TBL1XR1: variants seen among roughly 807,000 people sequenced by gnomAD.
TBL1XR1 encodes F-box-like/WD repeat-containing protein TBL1XR1.
In TBL1XR1, 5 loss-of-function variants were observed where a neutral mutation model predicts 66.9. That is an observed-to-expected ratio of 0.07 (90% CI 0.04 to 0.16). The LOEUF (loss-of-function observed/expected upper bound fraction) is 0.16, where lower values mean the gene tolerates loss of function less well. Ranked by LOEUF, TBL1XR1 falls within the 10% of genes least tolerant of loss-of-function variation. The pLI, the probability that TBL1XR1 is intolerant of heterozygous loss-of-function variation, is 1.00. For missense variants in TBL1XR1, 238 were observed against 623.2 expected (o/e 0.38, Z 6.58); for synonymous variants, 210 against 206.0 (o/e 1.02, Z -0.17).
chr3:177,173,636 T>C (rs1733822593), intron 1 of TBL1XR1, among the ~76,000 whole-genome samples: 1 of 152,018 alleles, frequency 6.6e-6, no homozygotes, highest in South Asian at 2.1e-4. Flanking sequence ...GAAAACTAAA[T>C]GCAACATGAG....
chr3:177,185,949 T>C (rs1380299773), intron 1 of TBL1XR1, among the ~76,000 whole-genome samples: 1 of 151,832 alleles, frequency 6.6e-6, no homozygotes, highest in Non-Finnish European at 1.5e-5. Context: ...AGTTGGAGGG[T>C]AAAGTGAGCC....
At chr3:177,112,288 A>C (rs1302979342) in intron 1 of TBL1XR1, among the ~76,000 whole-genome samples, 1 of 150,544 alleles carries the variant, frequency 6.6e-6, no homozygotes, top group South Asian at 2.1e-4. Context: ...TTGTATTTTT[A>C]GTAGAGGTGG....
intron 1 of TBL1XR1, among the ~76,000 whole-genome samples, chr3:177,130,901 T>C (rs563443688): frequency 3.3e-5 from 5 of 152,308 alleles, no homozygotes; most frequent in African/African-American, 1.2e-4. Context: ...GGCTTGCACC[T>C]ATAGTCCCAG....
intron 1 of TBL1XR1, among the ~76,000 whole-genome samples, chr3:177,133,200 T>C (rs1474092065): frequency 6.6e-6 from 1 of 152,140 alleles, no homozygotes; most frequent in African/African-American, 2.4e-5. Flanking sequence ...GGCACAAGAA[T>C]AGCTTGAACC....
At chr3:177,101,091 G>A (rs202241672) in intron 1 of TBL1XR1, among the ~76,000 whole-genome samples, 10 of 151,914 alleles carry the variant, frequency 6.6e-5, no homozygotes, top group East Asian at 5.9e-4. Flanking sequence ...TCCCAACCTC[G>A]GGTGATCTGC....
Position 177,038,089 on chromosome 3 carries a change from G to A in TBL1XR1, c.1122+9C>T. On this transcript the variant is annotated intron_variant, in intron 12 of 15. Transcript: ENST00000457928. ...CCGCCAACCCATTTCTCCCTACTAAGCAAATTACCTTTAAAGTCATGTCGT... is the reference window on the plus strand; with the variant it reads ...CCGCCAACCCATTTCTCCCTACTAAACAAATTACCTTTAAAGTCATGTCGT... 2 of 1,611,586 alleles carry A rather than the reference G, an allele frequency of 1.2e-6. No homozygotes were observed. The highest frequency in any genetic ancestry group is 1.7e-6 in the Non-Finnish European group (2 of 1,179,546).
At chr3:177,028,395 C>T (rs182500990) in intron 14 of TBL1XR1, among the ~76,000 whole-genome samples, 1 of 152,316 alleles carries the variant, frequency 6.6e-6, no homozygotes, top group African/African-American at 2.4e-5. Context: ...CATTAGCACT[C>T]TACAGTTCTA....
At chr3:177,071,029 C>CTTTTTTTTTTTTTT in intron 2 of TBL1XR1, among the ~76,000 whole-genome samples, 1 of 82,956 alleles carries the variant, frequency 1.2e-5, no homozygotes. Flanking sequence ...TTCTGAGAAT[C>CTTTTTTTTTTTTTT]TGTTTTTTTT....
chr3:177,132,168 A>C (rs568258773), intron 1 of TBL1XR1, among the ~76,000 whole-genome samples: 15 of 152,146 alleles, frequency 9.9e-5, no homozygotes, highest in Middle Eastern at 3.2e-3. Context: ...GAGCCCCTTG[A>C]GGTTTCTGCC....
intron 3 of TBL1XR1, 126 bp from the exon 4 acceptor site, chr3:177,054,044 TC>T: frequency 3.6e-6 from 3 of 843,664 alleles, no homozygotes; most frequent in Non-Finnish European, 5.1e-6. Context: ...CAGACGAAGG[TC>T]GTGTGTGTGT....
chr3:177,156,514 T>TACAC (rs1193060285), intron 1 of TBL1XR1, among the ~76,000 whole-genome samples: 2 of 60,490 alleles, frequency 3.3e-5, no homozygotes, highest in Non-Finnish European at 8.1e-5. Flanking sequence ...ATTATATATA[T>TACAC]ACATACACAC....
intron 5 of TBL1XR1, 34 bp downstream of exon 5, chr3:177,051,470 A>G (rs541229965): frequency 1.3e-6 from 2 of 1,548,158 alleles, no homozygotes; most frequent in Non-Finnish European, 1.7e-6. Flanking sequence ...TAAATAAACC[A>G]TGTAATTAAA....
At position 177,020,304 on chromosome 3, in the gene TBL1XR1, ATATT is replaced by A. The variant is rs1461434705; in HGVS notation, c.*5190_*5193del. 5 of 152,160 alleles carry A rather than the reference ATATT, an allele frequency of 3.3e-5. No individual in the cohort carries two copies. Among genetic ancestry groups the A allele is most frequent in the African/African-American group, 1.2e-4 (5 of 41,446 alleles). 9.4% of individuals were successfully genotyped at this position (152,160 alleles called of 1,614,324 possible). ...TGTGAAATAACGTCTTTTAAATACAATATTTATTTTTCAAAAGAATTAAAAATTA... is the reference window on the plus strand; with the variant it reads ...TGTGAAATAACGTCTTTTAAATACAATATTTTTCAAAAGAATTAAAAATTA... On this transcript the variant is annotated 3_prime_UTR_variant, in exon 16 of 16. Transcript: ENST00000457928.
intron 1 of TBL1XR1, among the ~76,000 whole-genome samples, chr3:177,174,658 A>G (rs1208045545): frequency 1.3e-5 from 2 of 152,086 alleles, no homozygotes; most frequent in African/African-American, 4.8e-5. Context: ...TGAATCTCCA[A>G]TTGCATTTTT....
At chr3:177,198,322 G>A (rs1737191477), upstream of TBL1XR1, among the ~76,000 whole-genome samples, 1 of 152,266 alleles carries the variant, frequency 6.6e-6, no homozygotes, top group East Asian at 1.9e-4. Flanking sequence ...TTATCATCTG[G>A]TGGGTCTGTT....
intron 7 of TBL1XR1, 99 bp from the exon 8 acceptor site, chr3:177,047,648 GAAGA>G: frequency 1.6e-5 from 21 of 1,344,224 alleles, no homozygotes; most frequent in Non-Finnish European, 2.1e-5. Context: ...AGAAGAGAAT[GAAGA>G]CATTCTCTGC....
intron 1 of TBL1XR1, among the ~76,000 whole-genome samples, chr3:177,160,335 G>A (rs573676590): frequency 9.9e-5 from 15 of 152,094 alleles, no homozygotes; most frequent in African/African-American, 2.9e-4. Flanking sequence ...TTAGCTGGGC[G>A]TGGTGACAGG....
At chr3:177,088,720 AAAAAG>A (rs1208790909) in intron 2 of TBL1XR1, among the ~76,000 whole-genome samples, 5 of 151,468 alleles carry the variant, frequency 3.3e-5, no homozygotes, top group African/African-American at 4.8e-5. Context: ...TAAAAAAAAA[AAAAAG>A]AAAAGAAAAG....
upstream of TBL1XR1, among the ~76,000 whole-genome samples, chr3:177,199,304 G>A (rs1302983413): frequency 6.6e-6 from 1 of 152,102 alleles, no homozygotes; most frequent in Non-Finnish European, 1.5e-5. Context: ...TTCTAAAGCT[G>A]AGGCTTGTTT....
Sources: allele counts gnomAD v4.1 joint callset (sites outside exome capture counted in the v4.1 genomes callset), GRCh38; gene constraint gnomAD v4.1.1; transcripts MANE v1.5; gene names NCBI Gene and HGNC (gene_info 2026-07-23, HGNC 2026-07-21).